Variants in JHY observed in about 807,000 individuals in gnomAD.
JHY encodes the protein jhy protein homolog.
In JHY, 69 loss-of-function variants were observed where a neutral mutation model predicts 78.0. The ratio of observed to expected loss-of-function variants is 0.88; its 90% CI spans 0.73 to 1.08. The LOEUF (loss-of-function observed/expected upper bound fraction) is 1.08, where lower values mean the gene tolerates loss of function less well. Ranked by LOEUF, JHY falls within the 50% of genes least tolerant of loss-of-function variation. The pLI is 0.00. For synonymous variants in JHY, 368 were observed against 342.6 expected, an observed-to-expected ratio of 1.07 and a Z score of -0.82; for missense variants, 944 against 927.8, an observed-to-expected ratio of 1.02 and a Z score of -0.23.
At chr11:122,897,217 A>G (rs1243203991) in intron 2 of JHY, among the ~76,000 whole-genome samples, 14 of 151,516 alleles carry the variant, frequency 9.2e-5, no homozygotes, top group Non-Finnish European at 1.5e-5. Flanking sequence ...TACTATTATT[A>G]TTTTTTTAAC....
Position 122,934,535 on chromosome 11 carries a change from A to G in JHY, c.1094A>G (p.Lys365Arg). ...HQPSRRPAKL[K>R]IRKQCKHQNG... ...CCTTCCAGAAGACCAGCCAAGCTCA[A>G]GATTCGAAAGCAGTGTAAACACCAG... The change falls in exon 5 of 9, where the codon AAG (lysine) becomes AGG (arginine). Residue 365 changes from lysine to arginine, a missense_variant. Physicochemically the swap from Lys to Arg is conservative, Grantham distance 26 (BLOSUM62 2). Transcript: ENST00000227349. 6.2e-7 allele frequency: 1 copy of G among 1,614,106 alleles called. No individual in the cohort carries two copies. The highest frequency in any genetic ancestry group is 1.6e-4 in the Middle Eastern group (1 of 6,062).
In JHY at chr11:122,917,881, ATATT is replaced by A. The variant is rs547314279; in HGVS notation, c.865-7006_865-7003del. Among the ~76,000 whole-genome samples the A allele has an allele frequency of 1.0e-4, 15 of 146,420 alleles. No homozygotes were observed. Among genetic ancestry groups the A allele is most frequent in the African/African-American group, 1.7e-4 (6 of 36,168 alleles). On this transcript the variant is annotated intron_variant, in intron 3 of 8. Transcript: ENST00000227349. The surrounding 1 kb of genome is among the most constrained non-coding windows in gnomAD (Gnocchi z 4.1). ...AAAATGGCCATTATTCATTTAGCAT[ATATT>A]TATTTATTTTATTTTACTTATTTAT...
chr11:122,944,497 A>G (rs914411029), intron 5 of JHY, among the ~76,000 whole-genome samples: 4 of 152,244 alleles, frequency 2.6e-5, no homozygotes, highest in East Asian at 1.9e-4. Context: ...TTTTAATCCA[A>G]TCACCTTTCC....
At chr11:122,941,499 T>C (rs1281077419) in intron 5 of JHY, among the ~76,000 whole-genome samples, 1 of 152,216 alleles carries the variant, frequency 6.6e-6, no homozygotes, top group African/African-American at 2.4e-5. Context: ...CCAGTACCAC[T>C]ACCAAACAGT....
chr11:122,897,385 G>T (rs1391239072), intron 2 of JHY, among the ~76,000 whole-genome samples: 2 of 152,068 alleles, frequency 1.3e-5, no homozygotes, highest in African/African-American at 4.8e-5. Flanking sequence ...CACAGTACCT[G>T]GCTGATTGGT....
chr11:122,952,589 C>T (rs568553627), intron 6 of JHY, among the ~76,000 whole-genome samples: 47 of 152,292 alleles, frequency 3.1e-4, no homozygotes, highest in Non-Finnish European at 3.2e-4. Flanking sequence ...ATACTAGACC[C>T]TGGCTCTGGT....
rs1359780070 is a variant in JHY, at chr11:122,900,529, T to TTTC, written c.345-3394_345-3393insCTT. On this transcript the variant is annotated intron_variant, in intron 2 of 8. Transcript: ENST00000227349. ...CTACCAGCTTTTTTTTTTTTTTTTT[T>TTTC]TTTTTGGTTAAGACTGGGGGTGCTT... Among the ~76,000 whole-genome samples, 10 of 149,968 alleles carry TTTC rather than the reference T, an allele frequency of 6.7e-5. 1 individual carries two copies. The highest frequency in any genetic ancestry group is 2.0e-4 in the African/African-American group (8 of 40,706).
chr11:122,938,635 G>A (rs2135361688), intron 5 of JHY, among the ~76,000 whole-genome samples: 1 of 152,036 alleles, frequency 6.6e-6, no homozygotes, highest in South Asian at 2.1e-4. Context: ...CTCCTATTTT[G>A]CTGCCTTCCA....
At chr11:122,941,501 CCAAA>C (rs1565332944) in intron 5 of JHY, among the ~76,000 whole-genome samples, 1 of 152,194 alleles carries the variant, frequency 6.6e-6, no homozygotes, top group Non-Finnish European at 1.5e-5. Flanking sequence ...AGTACCACTA[CCAAA>C]CAGTCAGTCT....
At position 122,961,515 on chromosome 11, in the gene JHY, C is replaced by T. The variant is rs1041808978; in HGVS notation, c.*2070C>T. On this transcript the variant is annotated 3_prime_UTR_variant, in exon 9 of 9. Coordinates refer to ENST00000227349, the MANE Select transcript of JHY (RefSeq NM_024806.4). ...GATTGCAAGCGTGCACTACCACGCC[C>T]GGCTAATTTTTATACTTTTAGTAGA... Among the ~76,000 whole-genome samples, 1 of 152,088 alleles carries T rather than the reference C, an allele frequency of 6.6e-6. No individual in the cohort carries two copies. Among genetic ancestry groups the T allele is most frequent in the African/African-American group, 2.4e-5 (1 of 41,428 alleles).
chr11:122,892,546 T>A (rs1862645440), intron 2 of JHY, among the ~76,000 whole-genome samples: 1 of 152,082 alleles, frequency 6.6e-6, no homozygotes, highest in African/African-American at 2.4e-5. Flanking sequence ...ATGGTCTTGA[T>A]CTTCTGACCT....
intron 3 of JHY, among the ~76,000 whole-genome samples, chr11:122,924,305 C>G (rs180817584): frequency 2.6e-5 from 4 of 151,900 alleles, no homozygotes; most frequent in Admixed American, 2.6e-4. Flanking sequence ...GTGCAGGCTC[C>G]GGAGATAGAC....
At chr11:122,903,421 A>G (rs576838116) in intron 2 of JHY, among the ~76,000 whole-genome samples, 3 of 152,138 alleles carry the variant, frequency 2.0e-5, no homozygotes, top group East Asian at 3.8e-4. Flanking sequence ...TTTCGCCCTT[A>G]TGTGTAGTGT....
At chr11:122,942,276 AG>A (rs966485859) in intron 5 of JHY, among the ~76,000 whole-genome samples, 14 of 152,160 alleles carry the variant, frequency 9.2e-5, no homozygotes, top group African/African-American at 3.1e-4. Context: ...GCCTTGCAAA[AG>A]GGTTGTCTAT....
intron 3 of JHY, chr11:122,905,486 C>A (rs1862968888): frequency 8.2e-7 from 1 of 1,224,818 alleles, no homozygotes; most frequent in East Asian, 3.4e-5. Flanking sequence ...CTAACCTGTT[C>A]TAACCTCTAA....
At position 122,912,286 on chromosome 11, in the gene JHY, C is replaced by CAA. The variant is rs374121692; in HGVS notation, c.864+7858_864+7859dup. ...TAGGTGACAGAGTGAGACTCCATCT[C>CAA]AAAAAAAAAAAAAAAAAGGTTAAAC... On this transcript the variant is annotated intron_variant, in intron 3 of 8. Transcript: ENST00000227349. Among the ~76,000 whole-genome samples the CAA allele has an allele frequency of 6.2e-4, 46 of 73,802 alleles. 1 individual carries two copies. The highest frequency in any genetic ancestry group is 1.1e-3 in the Non-Finnish European group (42 of 36,766). 48.4% of individuals were successfully genotyped at this position (73,802 alleles called of 152,430 possible).
Position 122,961,351 on chromosome 11 carries a change from GACTCTCGCTCTGTCA to G in JHY, c.*1907_*1921del, listed in dbSNP as rs1409668629. ...TTGCTGTTGTTGTTGTTTTTAGACA[GACTCTCGCTCTGTCA>G]CCCAGGCTGGAGTGCAGTGGCACAA... On this transcript the variant is annotated 3_prime_UTR_variant, in exon 9 of 9. Coordinates refer to ENST00000227349, the MANE Select transcript of JHY (RefSeq NM_024806.4). Among the ~76,000 whole-genome samples the G allele has an allele frequency of 1.3e-5, 2 of 151,842 alleles. No homozygotes were observed. The highest frequency in any genetic ancestry group is 2.9e-5 in the Non-Finnish European group (2 of 67,980).
rs150274625 is a variant in JHY at position 122,885,875 on chromosome 11, A to C, written c.26A>C (p.Lys9Thr). 17 of 1,610,374 alleles carry C rather than the reference A, an allele frequency of 1.1e-5. No individual in the cohort carries two copies. The Admixed American group carries it at 1.7e-4, about 16-fold the overall frequency. ...ATGAGTAAACGTAAACTAATTCCCA[A>C]GCTCTCTATTCAATCTCCTGTCCTT... MSKRKLIP[K>T]LSIQSPVLHT... The change falls in exon 2 of 9, where the codon AAG (lysine) becomes ACG (threonine). Residue 9 changes from lysine (K) to threonine (T), a missense_variant. Coordinates refer to ENST00000227349, the MANE Select transcript of JHY (RefSeq NM_024806.4).
chr11:122,932,157 A>C (rs915638776), intron 4 of JHY, among the ~76,000 whole-genome samples: 8 of 152,164 alleles, frequency 5.3e-5, no homozygotes, highest in African/African-American at 1.9e-4. Flanking sequence ...CCACCTAAAG[A>C]GTGACACCTG....
Sources: gnomAD v4.1 joint callset for allele counts (sites outside exome capture counted in the v4.1 genomes callset) on GRCh38, gnomAD v4.1.1 for gene constraint, Gnocchi (gnomAD v3.1) non-coding constraint, MANE v1.5 for transcripts, NCBI Gene and HGNC (gene_info 2026-07-23, HGNC 2026-07-21) for gene names.